Variants in PCMTD1 observed in about 807,000 individuals in gnomAD.
The protein encoded by PCMTD1 is protein-L-isoaspartate (D-aspartate) O-methyltransferase domain containing 1, also known as protein-L-isoaspartate O-methyltransferase domain-containing protein 1.
A neutral mutation model predicts 37.6 loss-of-function variants in PCMTD1; 12 were observed. The observed-to-expected ratio is 0.32, with a 90% CI of 0.20 to 0.52. The LOEUF (loss-of-function observed/expected upper bound fraction) is 0.52, where lower values mean the gene tolerates loss of function less well. Ranked by LOEUF, PCMTD1 falls within the 20% of genes least tolerant of loss-of-function variation. PCMTD1 has a pLI of 0.97. For synonymous variants in PCMTD1, 117 were observed against 135.8 expected (o/e 0.86, Z 0.96); for missense variants, 235 against 421.3 (o/e 0.56, Z 3.87).
chr8:51,881,401 G>A (rs964285432), intron 1 of PCMTD1, among the ~76,000 whole-genome samples: 1 of 152,036 alleles, frequency 6.6e-6, no homozygotes, highest in African/African-American at 2.4e-5. Context: ...TCAAGACTAG[G>A]CTCCACAAGG....
chr8:51,867,241 G>A (rs2038567997), intron 1 of PCMTD1, among the ~76,000 whole-genome samples: 2 of 151,956 alleles, frequency 1.3e-5, no homozygotes, highest in African/African-American at 4.8e-5. Flanking sequence ...AACTGTTGGT[G>A]GAAATGAAAA....
intron 3 of PCMTD1, chr8:51,839,632 G>A (rs1027854473): frequency 3.0e-6 from 3 of 985,162 alleles, no homozygotes; most frequent in East Asian, 2.3e-4. Context: ...CTAGGTCTAG[G>A]AGCTGACTGA....
intron 2 of PCMTD1, among the ~76,000 whole-genome samples, chr8:51,854,175 A>G (rs989377351): frequency 6.6e-6 from 1 of 152,188 alleles, no homozygotes; most frequent in African/African-American, 2.4e-5. Flanking sequence ...AAATATAACC[A>G]GAAGAAATTA....
intron 2 of PCMTD1, among the ~76,000 whole-genome samples, chr8:51,853,269 C>T (rs528188816): frequency 2.0e-5 from 3 of 152,274 alleles, no homozygotes; most frequent in South Asian, 2.1e-4. Flanking sequence ...AAGGCAGGTT[C>T]CAGACGAGAC....
intron 1 of PCMTD1, among the ~76,000 whole-genome samples, chr8:51,867,729 C>T (rs2038578055): frequency 6.6e-6 from 1 of 151,904 alleles, no homozygotes; most frequent in Non-Finnish European, 1.5e-5. Flanking sequence ...AAGACAAACA[C>T]TACATGATCT....
intron 2 of PCMTD1, among the ~76,000 whole-genome samples, chr8:51,858,097 C>A (rs1377817402): frequency 6.6e-6 from 1 of 152,166 alleles, no homozygotes; most frequent in African/African-American, 2.4e-5. Context: ...AGTGGAAATT[C>A]CCCAAGGAGT....
Position 51,818,153 on chromosome 8 carries a change from G to T in PCMTD1, c.*2198C>A, listed in dbSNP as rs2037786606. 2 of 307,884 alleles carry T rather than the reference G, an allele frequency of 6.5e-6. No homozygotes were observed. The highest frequency in any genetic ancestry group is 2.8e-5 in the South Asian group (1 of 35,596). The allele number at this position is 307,884 out of a possible 1,614,324, so 19.1% of individuals were successfully genotyped here. The stretch of plus-strand genomic sequence containing the variant: ...TATATCTGCATTAATAGATAAAAAG[G>T]CTTTAGCTTTAATTTTCATTTTTCA... On this transcript the variant is annotated 3_prime_UTR_variant, in exon 6 of 6. Coordinates refer to ENST00000522514, the MANE Select transcript of PCMTD1 (RefSeq NM_052937.4).
chr8:51,833,473 T>G (rs1227019505), intron 4 of PCMTD1, 45 bp downstream of exon 4: 2 of 1,490,894 alleles, frequency 1.3e-6, no homozygotes, highest in East Asian at 4.8e-5. Flanking sequence ...TTAAACAAAT[T>G]TGCTTGCTTC....
At chr8:51,887,247 G>T (rs2038877136) in intron 1 of PCMTD1, among the ~76,000 whole-genome samples, 1 of 152,006 alleles carries the variant, frequency 6.6e-6, no homozygotes, top group Admixed American at 6.6e-5. Context: ...ACCTCTTTGG[G>T]GGGCTACTAT....
intron 1 of PCMTD1, among the ~76,000 whole-genome samples, chr8:51,887,460 T>A (rs1001740264): frequency 2.0e-5 from 3 of 152,180 alleles, no homozygotes; most frequent in African/African-American, 7.2e-5. Flanking sequence ...CTTGACAGAC[T>A]TGGAATTTAT....
chr8:51,891,676 A>ATATATATATACATATATATG (rs2038938051), intron 1 of PCMTD1, among the ~76,000 whole-genome samples: 1 of 122,020 alleles, frequency 8.2e-6, no homozygotes, highest in African/African-American at 2.6e-5. Flanking sequence ...AAAACAAAAA[A>ATATATATATACATATATATG]TATATATATA....
intron 1 of PCMTD1, among the ~76,000 whole-genome samples, chr8:51,876,922 TG>T (rs1272288171): frequency 6.6e-5 from 10 of 152,338 alleles, no homozygotes; most frequent in Non-Finnish European, 1.3e-4. Context: ...TGTGAAAATT[TG>T]GTGAGGAACA....
rs1006583669 is a variant in PCMTD1, at chr8:51,824,040, C to T, written c.707-3322G>A. Among the ~76,000 whole-genome samples the T allele has an allele frequency of 5.9e-5, 9 of 152,198 alleles. No individual in the cohort carries two copies. The East Asian group carries it at 7.7e-4, about 13-fold the overall frequency. ...CTCAATAAACTAGGTATCGATGGAA[C>T]GTATCTCAAAATAATAAGAGCTATT... On this transcript the variant is annotated intron_variant, in intron 5 of 5. Coordinates refer to ENST00000522514, the MANE Select transcript of PCMTD1 (RefSeq NM_052937.4).
intron 1 of PCMTD1, among the ~76,000 whole-genome samples, chr8:51,890,656 G>C (rs2038923859): frequency 6.6e-6 from 1 of 152,220 alleles, no homozygotes; most frequent in African/African-American, 2.4e-5. Flanking sequence ...TTACGCAGTA[G>C]CAGTGACAGA....
intron 1 of PCMTD1, among the ~76,000 whole-genome samples, chr8:51,883,609 T>C (rs990550085): frequency 6.6e-6 from 1 of 152,204 alleles, no homozygotes; most frequent in Non-Finnish European, 1.5e-5. Flanking sequence ...ATGCCCGATA[T>C]TTTTAAAACG....
At chr8:51,852,088 T>C (rs1452081969) in intron 2 of PCMTD1, among the ~76,000 whole-genome samples, 1 of 152,210 alleles carries the variant, frequency 6.6e-6, no homozygotes, top group Admixed American at 6.5e-5. Context: ...ACTCAATAAA[T>C]ATTTACTAGA....
chr8:51,833,695 T>A lies in PCMTD1; in HGVS notation c.411-6A>T. ...CAGGTTCACAGAACTCAAATCTGCATTGAAAAACAAACATTTTAATTCAAT... is the reference window on the plus strand; with the variant it reads ...CAGGTTCACAGAACTCAAATCTGCAATGAAAAACAAACATTTTAATTCAAT... On this transcript the variant is annotated splice_region_variant and splice_polypyrimidine_tract_variant and intron_variant, in intron 3 of 5. Coordinates refer to ENST00000522514, the MANE Select transcript of PCMTD1 (RefSeq NM_052937.4). 9 of 1,598,476 alleles carry A rather than the reference T, an allele frequency of 5.6e-6. No homozygotes were observed. The highest frequency in any genetic ancestry group is 7.7e-6 in the Non-Finnish European group (9 of 1,175,736).
intron 5 of PCMTD1, among the ~76,000 whole-genome samples, chr8:51,821,588 T>C (rs1030663930): frequency 5.3e-5 from 8 of 152,246 alleles, no homozygotes; most frequent in African/African-American, 9.6e-5. Flanking sequence ...CTGGATGATT[T>C]AGACTACCAA....
chr8:51,898,938 C>A lies in PCMTD1; in HGVS notation c.-104G>T. ...ACTGGCGGCGGCGTTACCTGTGGCG[C>A]GGGCAGCGGCGCGCAGGCCAGGCGC... On this transcript the variant is annotated 5_prime_UTR_variant, in exon 1 of 6. Coordinates refer to ENST00000522514, the MANE Select transcript of PCMTD1 (RefSeq NM_052937.4). 7.2e-7 allele frequency: 1 copy of A among 1,390,844 alleles called. No individual in the cohort carries two copies. 86.2% of individuals were successfully genotyped at this position (1,390,844 alleles called of 1,614,324 possible).
Sources: allele counts gnomAD v4.1 joint callset (sites outside exome capture counted in the v4.1 genomes callset), GRCh38; gene constraint gnomAD v4.1.1; transcripts MANE v1.5; gene names NCBI Gene and HGNC (gene_info 2026-07-23, HGNC 2026-07-21).